The following THSD7B variants were observed in gnomAD, a reference collection of about 807,000 sequenced individuals.
The protein encoded by THSD7B is thrombospondin type-1 domain-containing protein 7B.
A neutral mutation model predicts 213.6 loss-of-function variants in THSD7B; 138 were observed. The observed-to-expected ratio is 0.65, with a 90% CI of 0.56 to 0.74. THSD7B has a LOEUF of 0.74. Ranked by LOEUF, THSD7B falls within the 30% of genes least tolerant of loss-of-function variation. THSD7B has a pLI of 0.00. For missense variants in THSD7B, 1,931 were observed against 1,991.5 expected (o/e 0.97, Z 0.58); for synonymous variants, 742 against 687.0 (o/e 1.08, Z -1.25).
At chr2:137,376,113 T>C (rs1558775349) in intron 12 of THSD7B, among the ~76,000 whole-genome samples, 1 of 152,198 alleles carries the variant, frequency 6.6e-6, no homozygotes, top group Non-Finnish European at 1.5e-5. Context: ...TTTGCAGTTG[T>C]TTTTCATGGG....
At chr2:137,484,164 T>A (rs1343340913) in intron 15 of THSD7B, among the ~76,000 whole-genome samples, 1 of 99,450 alleles carries the variant, frequency 1.0e-5, no homozygotes, top group Non-Finnish European at 1.9e-5. Flanking sequence ...AAGCTATCCC[T>A]CCCCCCTCCC....
intron 12 of THSD7B, among the ~76,000 whole-genome samples, chr2:137,300,947 G>T (rs1216860705): frequency 6.6e-6 from 1 of 152,128 alleles, no homozygotes; most frequent in African/African-American, 2.4e-5. Context: ...CCCCTTTGGT[G>T]CTGGCATGAT....
chr2:136,812,332 A>G (rs1457940386), intron 1 of THSD7B, among the ~76,000 whole-genome samples: 1 of 152,228 alleles, frequency 6.6e-6, no homozygotes, highest in Non-Finnish European at 1.5e-5. Context: ...CCACTGAATT[A>G]TCTAGAAAGA....
intron 1 of THSD7B, among the ~76,000 whole-genome samples, chr2:136,821,109 G>A (rs549904325): frequency 6.6e-6 from 1 of 152,222 alleles, no homozygotes; most frequent in African/African-American, 2.4e-5. Flanking sequence ...CTTTCTGTGA[G>A]TTTGATGTTT....
chr2:137,483,625 G>C (rs111315860), intron 15 of THSD7B, among the ~76,000 whole-genome samples: 4,257 of 152,114 alleles, frequency 0.028, 218 homozygotes, highest in African/African-American at 0.097. Flanking sequence ...TAAAAGCACT[G>C]GGGTGGGGAC....
At position 137,656,955 on chromosome 2, in the gene THSD7B, C is replaced by A; in HGVS notation, c.4265C>A (p.Thr1422Lys). The change falls in exon 23 of 28, where the codon ACA (threonine) becomes AAA (lysine). Residue 1422 changes from threonine (T) to lysine (K), a missense_variant. Coordinates refer to ENST00000409968, the MANE Select transcript of THSD7B (RefSeq NM_001316349.2). ...AGCTGCCCCCAACAGGTTCTAGAAA[C>A]ACGCCCTTGTACAGGTACCAAGAGC... ...QDSCPQQVLETRPCTGGKCYH... is the reference protein window; with the variant it reads ...QDSCPQQVLEKRPCTGGKCYH... 3.1e-6 allele frequency: 5 copies of A among 1,613,974 alleles called. No homozygotes were observed. The highest frequency in any genetic ancestry group is 4.2e-6 in the Non-Finnish European group (5 of 1,179,846).
chr2:137,242,224 G>C (rs549150373), intron 9 of THSD7B, among the ~76,000 whole-genome samples: 29 of 152,136 alleles, frequency 1.9e-4, no homozygotes, highest in African/African-American at 6.7e-4. Flanking sequence ...TTTTTTTACT[G>C]GTGTAGTGAA....
At chr2:137,066,604 G>C (rs1367807472) in intron 3 of THSD7B, among the ~76,000 whole-genome samples, 1 of 151,898 alleles carries the variant, frequency 6.6e-6, no homozygotes, top group Non-Finnish European at 1.5e-5. Flanking sequence ...TCTCCCTCTG[G>C]CTTCTTGAAA....
intron 9 of THSD7B, among the ~76,000 whole-genome samples, chr2:137,237,452 A>G (rs1681791282): frequency 6.6e-6 from 1 of 152,208 alleles, no homozygotes; most frequent in Non-Finnish European, 1.5e-5. Context: ...ACAGAATACT[A>G]TTCAGTCATT....
At chr2:136,833,076 G>A (rs1411157056) in intron 1 of THSD7B, among the ~76,000 whole-genome samples, 4 of 152,084 alleles carry the variant, frequency 2.6e-5, no homozygotes, top group African/African-American at 4.8e-5. Flanking sequence ...TAAAAGGAGA[G>A]GGGAATTGGC....
In THSD7B at chr2:137,652,733, G is replaced by C. The variant is rs561197456; in HGVS notation, c.3946-2768G>C. Among the ~76,000 whole-genome samples the C allele has an allele frequency of 1.8e-4, 28 of 152,086 alleles. No individual in the cohort carries two copies. In the South Asian group the frequency reaches 5.0e-3, roughly 27 times the overall value. On this transcript the variant is annotated intron_variant, in intron 21 of 27. Coordinates refer to ENST00000409968, the MANE Select transcript of THSD7B (RefSeq NM_001316349.2). The stretch of plus-strand genomic sequence containing the variant: ...AACCTATCATAAGTTTTTGCATTAT[G>C]GTTACCACGAAGCTTACAAAAATAT...
chr2:137,306,198 G>T (rs1683737332), intron 12 of THSD7B, among the ~76,000 whole-genome samples: 1 of 152,110 alleles, frequency 6.6e-6, no homozygotes, highest in Non-Finnish European at 1.5e-5. Context: ...AATACATTGT[G>T]CTGTGATGTT....
At chr2:137,595,672 T>C (rs1479360556) in intron 17 of THSD7B, among the ~76,000 whole-genome samples, 2 of 151,962 alleles carry the variant, frequency 1.3e-5, no homozygotes, top group Non-Finnish European at 2.9e-5. Context: ...TCCCTTTTTG[T>C]TGGATGTACA....
In THSD7B at chr2:137,238,184, A is replaced by G. The variant is rs146618213; in HGVS notation, c.2151-4273A>G. On this transcript the variant is annotated intron_variant, in intron 9 of 27. Coordinates refer to ENST00000409968, the MANE Select transcript of THSD7B (RefSeq NM_001316349.2). ...TTGAAGGGGATAAAGTTCCTGAGAT[A>G]TTAGCAACTCTCTATAGAAAGCTTG... Among the ~76,000 whole-genome samples, 896 of 152,308 alleles carry G rather than the reference A, an allele frequency of 5.9e-3. 10 individuals carry two copies. The highest frequency in any genetic ancestry group is 0.01 in the Middle Eastern group (3 of 294).
chr2:137,656,738 GT>G, intron 22 of THSD7B, 57 bp from the exon 23 acceptor site: 1 of 1,530,794 alleles, frequency 6.5e-7, no homozygotes, highest in Admixed American at 2.0e-5. Flanking sequence ...CCATGCAAAT[GT>G]TGTCCAGTGC....
At chr2:137,644,934 T>C (rs1462894162) in intron 21 of THSD7B, among the ~76,000 whole-genome samples, 2 of 152,212 alleles carry the variant, frequency 1.3e-5, no homozygotes, top group Non-Finnish European at 2.9e-5. Context: ...GGCATCACTT[T>C]CTTTTTTAGC....
intron 16 of THSD7B, among the ~76,000 whole-genome samples, chr2:137,569,949 A>T (rs1008701071): frequency 6.6e-6 from 1 of 152,062 alleles, no homozygotes; most frequent in Non-Finnish European, 1.5e-5. Flanking sequence ...GTGAAATAAT[A>T]AATGAACATC....
In THSD7B at chr2:137,673,976, G is replaced by T. The variant is rs144386770; in HGVS notation, c.4740-2548G>T. ...AAGGTCCAAGGCCTACCTATTAGTAGCCCCCGCTGGCCACAGTGTCCGTGA... is the reference window on the plus strand; with the variant it reads ...AAGGTCCAAGGCCTACCTATTAGTATCCCCCGCTGGCCACAGTGTCCGTGA... On this transcript the variant is annotated intron_variant, in intron 27 of 27. Coordinates refer to ENST00000409968, the MANE Select transcript of THSD7B (RefSeq NM_001316349.2). Among the ~76,000 whole-genome samples, 119 of 152,278 alleles carry T rather than the reference G, an allele frequency of 7.8e-4. 2 individuals carry two copies. The highest frequency in any genetic ancestry group is 2.8e-3 in the African/African-American group (115 of 41,552).
At chr2:137,587,729 G>A (rs1681769079) in intron 17 of THSD7B, among the ~76,000 whole-genome samples, 1 of 152,220 alleles carries the variant, frequency 6.6e-6, no homozygotes, top group Non-Finnish European at 1.5e-5. Context: ...GGCCGTGTGA[G>A]GTGTCAATCT....
Sources: allele counts gnomAD v4.1 joint callset (sites outside exome capture counted in the v4.1 genomes callset), GRCh38; gene constraint gnomAD v4.1.1; transcripts MANE v1.5; gene names NCBI Gene and HGNC (gene_info 2026-07-23, HGNC 2026-07-21).